Variants in CECR2 observed in about 807,000 individuals in gnomAD.
CECR2 encodes the protein CECR2 histone acetyl-lysine reader, also known as chromatin remodeling regulator CECR2.
In CECR2, 30 loss-of-function variants were observed where a neutral mutation model predicts 154.5. The ratio of observed to expected loss-of-function variants is 0.19; its 90% CI spans 0.15 to 0.26. The LOEUF (loss-of-function observed/expected upper bound fraction) is 0.26. Among genes scored for constraint, CECR2 ranks in the 10% least tolerant of loss-of-function variants. The probability of loss-of-function intolerance (pLI) is 1.00; values close to 1 mark genes in which losing one functional copy is unlikely to be tolerated. For synonymous variants in CECR2, 725 were observed against 683.7 expected, an observed-to-expected ratio of 1.06 and a Z score of -0.94; for missense variants, 1,743 against 1,829.3, an observed-to-expected ratio of 0.95 and a Z score of 0.86.
rs1357019234 is a variant in CECR2, at chr22:17,552,776, T to TTTTTTTG, written c.4390-53_4390-52insGTTTTTT. On this transcript the variant is annotated intron_variant, in intron 18 of 18. Coordinates refer to ENST00000262608, the MANE Select transcript of CECR2 (RefSeq NM_001290047.2). Reference sequence around the variant, plus strand: ...TGGACATTCTTTGGCTTACTTAAGTTTTTTTTTTTTTAACAACCCAATTTT... The same window carrying TTTTTTTG: ...TGGACATTCTTTGGCTTACTTAAGTTTTTTTTGTTTTTTTTTTTAACAACCCAATTTT... 3.8e-6 allele frequency: 5 copies of TTTTTTTG among 1,299,820 alleles called. No homozygotes were observed. The East Asian group carries it at 1.0e-4, about 26-fold the overall frequency. 80.5% of individuals were successfully genotyped at this position (1,299,820 alleles called of 1,614,324 possible).
chr22:17,536,414 A>G (rs1484914439), intron 9 of CECR2, among the ~76,000 whole-genome samples: 4 of 152,070 alleles, frequency 2.6e-5, no homozygotes, highest in Non-Finnish European at 5.9e-5. Flanking sequence ...CAGGCTGGGA[A>G]TGGAATGCCA....
intron 1 of CECR2, among the ~76,000 whole-genome samples, chr22:17,413,123 G>A (rs893484275): frequency 1.3e-5 from 2 of 152,168 alleles, no homozygotes; most frequent in African/African-American, 4.8e-5. Flanking sequence ...GGAGTCAGTG[G>A]TGAGGCTGGT....
At chr22:17,406,211 T>G (rs1418256952) in intron 1 of CECR2, among the ~76,000 whole-genome samples, 1 of 152,316 alleles carries the variant, frequency 6.6e-6, no homozygotes, top group East Asian at 1.9e-4. Flanking sequence ...TGGTAAATGT[T>G]TCATTTTCAC....
At chr22:17,399,766 C>G (rs996632078) in intron 1 of CECR2, among the ~76,000 whole-genome samples, 2 of 152,116 alleles carry the variant, frequency 1.3e-5, no homozygotes, top group African/African-American at 4.8e-5. Flanking sequence ...GCGACTATAC[C>G]ATGAGTGTAA....
At chr22:17,525,245 A>G (rs1268005448) in intron 9 of CECR2, among the ~76,000 whole-genome samples, 3 of 126,520 alleles carry the variant, frequency 2.4e-5, no homozygotes, top group Admixed American at 1.9e-4. Flanking sequence ...AGATCGTGCC[A>G]TTGTACTCCA....
chr22:17,402,131 C>T (rs1312632936), intron 1 of CECR2, among the ~76,000 whole-genome samples: 1 of 151,956 alleles, frequency 6.6e-6, no homozygotes, highest in East Asian at 1.9e-4. Flanking sequence ...TTACAGGTGC[C>T]CACCACCATG....
At chr22:17,508,562 T>C (rs771327421) in intron 7 of CECR2, among the ~76,000 whole-genome samples, 3 of 151,874 alleles carry the variant, frequency 2.0e-5, no homozygotes, top group African/African-American at 7.3e-5. Flanking sequence ...CCATCTAGGG[T>C]TGTATATAGT....
chr22:17,372,012 GTAGTTTACATGGTGAATA>G lies in CECR2; in HGVS notation c.126+2104_126+2121del, dbSNP rs371469346. Among the ~76,000 whole-genome samples, 1,397 of 152,282 alleles carry G rather than the reference GTAGTTTACATGGTGAATA, an allele frequency of 9.2e-3. 22 individuals carry two copies. Among genetic ancestry groups the G allele is most frequent in the African/African-American group, 0.032 (1,325 of 41,550 alleles). The stretch of plus-strand genomic sequence containing the variant: ...TATATGTATAACATGAAAAATCACT[GTAGTTTACATGGTGAATA>G]ATCAAGGCTATTTGATATGACTGTC... On this transcript the variant is annotated intron_variant, in intron 1 of 18. Coordinates refer to ENST00000262608, the MANE Select transcript of CECR2 (RefSeq NM_001290047.2).
At chr22:17,389,434 C>A (rs1233205132) in intron 1 of CECR2, among the ~76,000 whole-genome samples, 2 of 152,068 alleles carry the variant, frequency 1.3e-5, no homozygotes, top group Admixed American at 1.3e-4. Flanking sequence ...AGACGTGATA[C>A]CTTTCACTCC....
Position 17,497,513 on chromosome 22 carries a change from G to A in CECR2, c.332G>A (p.Arg111His). Residue 111 changes from arginine (R) to histidine (H), a missense_variant, in exon 3 of 19, where the codon CGC becomes CAC. Physicochemically the swap from Arg to His is conservative, Grantham distance 29 (BLOSUM62 0). Transcript: ENST00000262608. ...GCCAGTTTCCAGGACCTGCCTCTTC[G>A]CACACGGGTGGAGATCCTGCACCGA... The part of the protein sequence containing the change: ...REASFQDLPL[R>H]TRVEILHRLC... 1 of 1,613,926 alleles carries A rather than the reference G, an allele frequency of 6.2e-7. No homozygotes were observed. The highest frequency in any genetic ancestry group is 8.5e-7 in the Non-Finnish European group (1 of 1,179,872).
chr22:17,511,996 T>C (rs1339803899), intron 8 of CECR2, 100 bp downstream of exon 8: 4 of 920,048 alleles, frequency 4.3e-6, no homozygotes, highest in African/African-American at 3.3e-5. Flanking sequence ...CCTTCATTTT[T>C]TTTCCTAAAC....
chr22:17,414,242 G>A lies in CECR2; in HGVS notation c.126+44333G>A, dbSNP rs944324402. On this transcript the variant is annotated intron_variant, in intron 1 of 18. Transcript: ENST00000262608. ...CCGCCTTGGCCTCCCAAAGTGCTGGGATTACAGGCGTGAGCCACTGCGCCC... is the reference window on the plus strand; with the variant it reads ...CCGCCTTGGCCTCCCAAAGTGCTGGAATTACAGGCGTGAGCCACTGCGCCC... Among the ~76,000 whole-genome samples the A allele has an allele frequency of 3.3e-5, 5 of 152,312 alleles. No homozygotes were observed. In the East Asian group the frequency reaches 7.7e-4, roughly 24 times the overall value.
At chr22:17,436,207 C>T (rs1381496188) in intron 1 of CECR2, among the ~76,000 whole-genome samples, 1 of 152,202 alleles carries the variant, frequency 6.6e-6, no homozygotes, top group African/African-American at 2.4e-5. Context: ...ATCTGCCCGC[C>T]TCGGCTTCCC....
At chr22:17,445,543 T>TTTATTATTATTATTATTA (rs3994823) in intron 1 of CECR2, among the ~76,000 whole-genome samples, 6 of 141,438 alleles carry the variant, frequency 4.2e-5, no homozygotes, top group Admixed American at 7.2e-5. Flanking sequence ...TGCTCTATAC[T>TTTATTATTATTATTATTA]TTATTATTAT....
intron 7 of CECR2, among the ~76,000 whole-genome samples, chr22:17,507,723 C>A (rs2055872884): frequency 6.6e-6 from 1 of 152,098 alleles, no homozygotes; most frequent in Admixed American, 6.5e-5. Context: ...TCTTTAAATA[C>A]AATTTTCAAG....
intron 9 of CECR2, among the ~76,000 whole-genome samples, chr22:17,525,322 AAGGG>A (rs1246740432): frequency 1.5e-5 from 2 of 134,092 alleles, no homozygotes; most frequent in African/African-American, 2.8e-5. Flanking sequence ...AAAAGAAAGG[AAGGG>A]AGGGAGGGAA....
chr22:17,412,473 C>A (rs2054081762), intron 1 of CECR2, among the ~76,000 whole-genome samples: 1 of 152,130 alleles, frequency 6.6e-6, no homozygotes, highest in South Asian at 2.1e-4. Flanking sequence ...ATTCTTAGGG[C>A]TAAAGAGGCC....
upstream of CECR2, among the ~76,000 whole-genome samples, chr22:17,365,715 AAAAC>A (rs938394299): frequency 1.3e-5 from 2 of 151,964 alleles, no homozygotes; most frequent in Non-Finnish European, 2.9e-5. Flanking sequence ...CAAACAAACA[AAAAC>A]AAACAAAAAA....
intron 2 of CECR2, among the ~76,000 whole-genome samples, chr22:17,478,352 A>T (rs796610215): frequency 3.9e-4 from 46 of 118,966 alleles, no homozygotes; most frequent in South Asian, 3.4e-3. Context: ...ATGGTATCAA[A>T]TTTTTTTTTT....
Sources: gnomAD v4.1 joint callset for allele counts (sites outside exome capture counted in the v4.1 genomes callset) on GRCh38, gnomAD v4.1.1 for gene constraint, MANE v1.5 for transcripts, NCBI Gene and HGNC (gene_info 2026-07-23, HGNC 2026-07-21) for gene names.